SBF2: variants seen among roughly 807,000 people sequenced by gnomAD.
SBF2 encodes myotubularin-related protein 13.
Under a neutral mutation model 225.2 loss-of-function variants are expected in SBF2, and 112 were observed. The ratio of observed to expected loss-of-function variants is 0.50; its 90% CI spans 0.43 to 0.58. The LOEUF is 0.58. SBF2 is among the 20% of genes least tolerant of loss of function. The pLI is 0.00. For missense variants in SBF2, 1,996 were observed against 2,206.2 expected (o/e 0.90, Z 1.91); for synonymous variants, 763 against 773.3 (o/e 0.99, Z 0.22).
intron 16 of SBF2, among the ~76,000 whole-genome samples, chr11:9,919,529 G>A (rs993988693): frequency 1.3e-5 from 2 of 152,048 alleles, no homozygotes; most frequent in Non-Finnish European, 1.5e-5. Context: ...GATTGAGCAA[G>A]CAGGGGGTAC....
chr11:10,111,969 A>G (rs916266008), intron 2 of SBF2, among the ~76,000 whole-genome samples: 2 of 152,244 alleles, frequency 1.3e-5, no homozygotes, highest in African/African-American at 4.8e-5. Context: ...CTCCTATTTC[A>G]GAGGAAAGCA....
chr11:9,843,147 C>CATGT, intron 24 of SBF2, among the ~76,000 whole-genome samples: 1 of 152,278 alleles, frequency 6.6e-6, no homozygotes, highest in African/African-American at 2.4e-5. Flanking sequence ...TGGAGTCCTC[C>CATGT]TACATGGAAA....
In SBF2 at chr11:10,274,788, T is replaced by A. The variant is rs553807792; in HGVS notation, c.55+19227A>T. Among the ~76,000 whole-genome samples, 5 of 152,120 alleles carry A rather than the reference T, an allele frequency of 3.3e-5. No homozygotes were observed. In the East Asian group the frequency reaches 5.8e-4, roughly 18 times the overall value. On this transcript the variant is annotated intron_variant, in intron 1 of 39. Transcript: ENST00000256190. Reference sequence around the variant, plus strand: ...AAAAAAGAAAGAATTAGAAAGTTTCTGTTCAAGTACCTAGAAACAAATTCA... The same window carrying A: ...AAAAAAGAAAGAATTAGAAAGTTTCAGTTCAAGTACCTAGAAACAAATTCA...
chr11:9,806,895 A>C (rs955204471), intron 32 of SBF2, among the ~76,000 whole-genome samples: 1 of 152,232 alleles, frequency 6.6e-6, no homozygotes, highest in Non-Finnish European at 1.5e-5. Flanking sequence ...TGTATGATAT[A>C]TATAGTTCAA....
chr11:10,296,913 GAT>G (rs968143032), upstream of SBF2, among the ~76,000 whole-genome samples: 1 of 152,154 alleles, frequency 6.6e-6, no homozygotes, highest in African/African-American at 2.4e-5. Context: ...AGTGTGAAGT[GAT>G]ATCTCATTGT....
At chr11:10,229,452 G>C (rs771150231) in intron 1 of SBF2, among the ~76,000 whole-genome samples, 1 of 152,172 alleles carries the variant, frequency 6.6e-6, no homozygotes, top group Non-Finnish European at 1.5e-5. Flanking sequence ...TGGGCATTTA[G>C]TGCTATAACT....
At chr11:10,117,916 C>G (rs553038908) in intron 2 of SBF2, among the ~76,000 whole-genome samples, 1 of 152,010 alleles carries the variant, frequency 6.6e-6, no homozygotes, top group South Asian at 2.1e-4. Flanking sequence ...GTCAAAAGTT[C>G]TTTCTCTGGA....
At chr11:9,782,183 TAAA>T (rs11345786) in intron 38 of SBF2, among the ~76,000 whole-genome samples, 2 of 139,446 alleles carry the variant, frequency 1.4e-5, no homozygotes. Context: ...TCTCAAAAAA[TAAA>T]AAAAAAAAAA....
intron 16 of SBF2, among the ~76,000 whole-genome samples, chr11:9,955,775 T>C (rs1461784333): frequency 6.6e-6 from 1 of 152,108 alleles, no homozygotes; most frequent in Non-Finnish European, 1.5e-5. Flanking sequence ...AATAGTATAT[T>C]ATCATTACAT....
intron 33 of SBF2, 143 bp downstream of exon 33, chr11:9,795,688 C>G: frequency 1.0e-6 from 1 of 998,154 alleles, no homozygotes; most frequent in Non-Finnish European, 1.5e-6. Flanking sequence ...AATTTGGCCA[C>G]TTATCCACTC....
intron 1 of SBF2, among the ~76,000 whole-genome samples, chr11:10,221,638 C>T (rs777118128): frequency 3.5e-4 from 53 of 152,114 alleles, no homozygotes; most frequent in Non-Finnish European, 4.7e-4. Context: ...ACTAGATTAA[C>T]GTTCCCACAG....
intron 11 of SBF2, 122 bp downstream of exon 11, chr11:9,992,868 G>T (rs921133134): frequency 2.8e-6 from 2 of 705,940 alleles, no homozygotes; most frequent in Admixed American, 2.7e-5. Flanking sequence ...ACCACACAGA[G>T]ATTTTAAATA....
chr11:10,166,411 A>C (rs1029753391), intron 2 of SBF2, among the ~76,000 whole-genome samples: 10 of 152,202 alleles, frequency 6.6e-5, no homozygotes, highest in East Asian at 3.8e-4. Context: ...ATAATCTACC[A>C]GTCAGCCTTT....
intron 3 of SBF2, among the ~76,000 whole-genome samples, chr11:10,040,141 T>C (rs1281876366): frequency 2.0e-5 from 3 of 152,002 alleles, no homozygotes; most frequent in Non-Finnish European, 4.4e-5. Flanking sequence ...TGATGAACAG[T>C]AGGATATTTG....
intron 16 of SBF2, among the ~76,000 whole-genome samples, chr11:9,948,295 G>A (rs1865677086): frequency 6.6e-6 from 1 of 152,000 alleles, no homozygotes; most frequent in Non-Finnish European, 1.5e-5. Context: ...TAATAGATAG[G>A]AAGTTTCAGT....
intron 2 of SBF2, among the ~76,000 whole-genome samples, chr11:10,094,284 T>C (rs187441403): frequency 2.7e-4 from 41 of 152,154 alleles, no homozygotes; most frequent in East Asian, 1.2e-3. Flanking sequence ...GATGGTGCCA[T>C]TGCACTCCAG....
intron 2 of SBF2, among the ~76,000 whole-genome samples, chr11:10,108,147 T>C: frequency 6.6e-6 from 1 of 152,186 alleles, no homozygotes; most frequent in East Asian, 1.9e-4. Context: ...ATAACCTAAG[T>C]AACCATAAAT....
intron 1 of SBF2, among the ~76,000 whole-genome samples, chr11:10,200,275 G>A (rs1459266065): frequency 3.3e-5 from 5 of 152,166 alleles, no homozygotes; most frequent in African/African-American, 4.8e-5. Flanking sequence ...TAGAGCTCTT[G>A]TGAGGAAGAA....
intron 3 of SBF2, among the ~76,000 whole-genome samples, chr11:10,039,125 G>A (rs1949556092): frequency 6.6e-6 from 1 of 151,754 alleles, no homozygotes; most frequent in African/African-American, 2.4e-5. Flanking sequence ...ATCACATTCT[G>A]GATGGTGTAT....
Sources: gnomAD v4.1 joint callset for allele counts (sites outside exome capture counted in the v4.1 genomes callset) on GRCh38, gnomAD v4.1.1 for gene constraint, MANE v1.5 for transcripts, NCBI Gene and HGNC (gene_info 2026-07-23, HGNC 2026-07-21) for gene names.